Variants in ENO4 observed in about 807,000 individuals in gnomAD.
ENO4 encodes 2-phospho-D-glycerate hydro-lyase.
Under a neutral mutation model 63.2 loss-of-function variants are expected in ENO4, and 53 were observed. The ratio of observed to expected loss-of-function variants is 0.84; its 90% CI spans 0.67 to 1.05. The LOEUF (loss-of-function observed/expected upper bound fraction) is 1.05, where lower values mean the gene tolerates loss of function less well. ENO4 is among the 50% of genes least tolerant of loss of function. ENO4 has a pLI of 0.00. For missense variants in ENO4, 719 were observed against 772.0 expected, an observed-to-expected ratio of 0.93 and a Z score of 0.81; for synonymous variants, 266 against 283.8, an observed-to-expected ratio of 0.94 and a Z score of 0.63.
intron 10 of ENO4, chr10:116,900,946 T>G: frequency 1.0e-6 from 1 of 985,422 alleles, no homozygotes. Context: ...AATTCCAACT[T>G]CATTTGTCCA....
chr10:116,855,977 A>G (rs1216616853), intron 2 of ENO4, among the ~76,000 whole-genome samples: 2 of 152,196 alleles, frequency 1.3e-5, no homozygotes, highest in Admixed American at 1.3e-4. Context: ...ATGATCCAAC[A>G]TGGATAATGG....
intron 10 of ENO4, among the ~76,000 whole-genome samples, chr10:116,889,475 T>A (rs1245677607): frequency 1.3e-5 from 2 of 152,170 alleles, no homozygotes; most frequent in African/African-American, 2.4e-5. Flanking sequence ...GGAGAGTGAC[T>A]GGTTTCTCAA....
At chr10:116,884,828 T>C (rs190996101), downstream of ENO4, 29 of 155,830 alleles carry the variant, frequency 1.9e-4, no homozygotes, top group Admixed American at 1.5e-3. Context: ...TTTTAATAAG[T>C]TGTGGTGAGG....
chr10:116,905,129 G>A (rs1847915340), intron 10 of ENO4, among the ~76,000 whole-genome samples: 1 of 150,044 alleles, frequency 6.7e-6, no homozygotes, highest in African/African-American at 2.5e-5. Flanking sequence ...TTGAACCCGG[G>A]AAGCGGAGCT....
chr10:116,865,250 C>T (rs900624728), intron 7 of ENO4, among the ~76,000 whole-genome samples: 11 of 152,032 alleles, frequency 7.2e-5, no homozygotes, highest in African/African-American at 1.2e-4. Flanking sequence ...TACAGTGGCA[C>T]GATTTCGGCT....
intron 1 of ENO4, among the ~76,000 whole-genome samples, chr10:116,852,197 C>T (rs1324639376): frequency 6.6e-6 from 1 of 152,192 alleles, no homozygotes. Context: ...TCTCCCTCCA[C>T]CATGATTGTA....
chr10:116,874,014 C>A, intron 9 of ENO4, 62 bp from the exon 10 acceptor site: 1 of 1,463,932 alleles, frequency 6.8e-7, no homozygotes, highest in Non-Finnish European at 9.2e-7. Context: ...TGAACCGTAT[C>A]TTTGGGATTT....
Position 116,849,610 on chromosome 10 carries a change from A to C in ENO4, c.44A>C (p.Glu15Ala), listed in dbSNP as rs780768444. 432 of 1,549,916 alleles carry C rather than the reference A, an allele frequency of 2.8e-4. No individual in the cohort carries two copies. The highest frequency in any genetic ancestry group is 3.5e-4 in the Non-Finnish European group (399 of 1,146,688). The change falls in exon 1 of 14, where the codon GAG (glutamate) becomes GCG (alanine). Residue 15 changes from glutamate to alanine, a missense_variant. Glu to Ala is a moderately radical substitution (Grantham distance 107). Coordinates refer to ENST00000341276, the MANE Select transcript of ENO4 (RefSeq NM_001242699.2). ...GGCCGCAGCTGTGGGACCACTAGGG[A>C]GCTGCAGAAGCTGAAGCAGCAGGCG... Reference protein sequence around the residue: ...GGGRSCGTTRELQKLKQQAME... With the variant: ...GGGRSCGTTRALQKLKQQAME...
At position 116,879,987 on chromosome 10, in the gene ENO4, G is replaced by A. The variant is rs557809158; in HGVS notation, c.1723+1G>A. On this transcript the variant is annotated splice_donor_variant, in intron 13 of 13. Transcript: ENST00000341276. LOFTEE classifies it high-confidence loss of function. ...GAACTTGTCCAGAATGGAACACTGG[G>A]TATGCGCTGCTTTCTTGCTTTGTTT... 437 of 1,535,876 alleles carry A rather than the reference G, an allele frequency of 2.8e-4. No homozygotes were observed. The highest frequency in any genetic ancestry group is 3.5e-4 in the Non-Finnish European group (393 of 1,134,418).
At chr10:116,860,729 G>T in intron 4 of ENO4, 65 bp from the exon 5 acceptor site, 2 of 1,168,342 alleles carry the variant, frequency 1.7e-6, no homozygotes, top group African/African-American at 1.5e-5. Context: ...CTTTTTCCTG[G>T]GTCTTTCCAT....
chr10:116,884,384 T>C, downstream of ENO4: 1 of 405,166 alleles, frequency 2.5e-6, no homozygotes, highest in Admixed American at 2.7e-5. Context: ...TTAAAATGCT[T>C]TGTAATCACA....
intron 1 of ENO4, 144 bp from the exon 2 acceptor site, chr10:116,855,479 G>T: frequency 9.9e-7 from 1 of 1,006,834 alleles, no homozygotes; most frequent in Admixed American, 2.1e-5. Context: ...CCTGGCATCA[G>T]GAAGAATACT....
At chr10:116,860,739 T>C in intron 4 of ENO4, 55 bp from the exon 5 acceptor site, 3 of 1,217,524 alleles carry the variant, frequency 2.5e-6, no homozygotes, top group South Asian at 6.7e-5. Flanking sequence ...GGTCTTTCCA[T>C]CTGTAAGTAA....
intron 10 of ENO4, among the ~76,000 whole-genome samples, chr10:116,899,506 GGTGTGTGTGTGTGTGT>G (rs370396879): frequency 1.2e-4 from 15 of 124,582 alleles, no homozygotes; most frequent in African/African-American, 3.2e-4. Flanking sequence ...GGCTGGGGCT[GGTGTGTGTGTGTGTGT>G]GTGTGTGTGT....
At chr10:116,879,228 C>A in intron 11 of ENO4, 63 bp from the exon 12 acceptor site, 1 of 1,180,148 alleles carries the variant, frequency 8.5e-7, no homozygotes, top group Non-Finnish European at 1.2e-6. Context: ...ATTTTGATCC[C>A]AGAGGCCCAC....
At position 116,855,908 on chromosome 10, in the gene ENO4, T is replaced by A. The variant is rs566439478; in HGVS notation, c.294+157T>A. Among the ~76,000 whole-genome samples the A allele has an allele frequency of 2.0e-5, 3 of 152,322 alleles. No individual in the cohort carries two copies. The South Asian group carries it at 6.2e-4, about 32-fold the overall frequency. ...TAAGCATGAATCATACCATCAACCA[T>A]GATGGCTTTATTATGTTTAAGTGTA... On this transcript the variant is annotated intron_variant, in intron 2 of 13. Coordinates refer to ENST00000341276, the MANE Select transcript of ENO4 (RefSeq NM_001242699.2).
intron 10 of ENO4, among the ~76,000 whole-genome samples, chr10:116,875,561 T>TCACTCACACACACACACACA (rs1554902983): frequency 6.8e-6 from 1 of 147,908 alleles, no homozygotes; most frequent in African/African-American, 2.5e-5. Context: ...TCCAGGCTGG[T>TCACTCACACACACACACACA]CACACACACA....
chr10:116,850,675 G>A (rs377227498), intron 1 of ENO4, among the ~76,000 whole-genome samples: 2 of 152,028 alleles, frequency 1.3e-5, no homozygotes, highest in African/African-American at 4.8e-5. Flanking sequence ...AGGATGTTCC[G>A]CGAATGACTT....
chr10:116,900,818 A>C, intron 10 of ENO4: 1 of 985,438 alleles, frequency 1.0e-6, no homozygotes, highest in Non-Finnish European at 1.2e-6. Context: ...AAATTAGATA[A>C]AACTGTAAAT....
Sources: gnomAD v4.1 joint callset for allele counts (sites outside exome capture counted in the v4.1 genomes callset) on GRCh38, gnomAD v4.1.1 for gene constraint, MANE v1.5 for transcripts, NCBI Gene and HGNC (gene_info 2026-07-23, HGNC 2026-07-21) for gene names.